The following NPAS2 variants were observed in gnomAD, a reference collection of about 807,000 sequenced individuals.
The protein encoded by NPAS2 is neuronal PAS domain protein 2, also known as neuronal PAS domain-containing protein 2.
Under a neutral mutation model 107.5 loss-of-function variants are expected in NPAS2, and 23 were observed. The ratio of observed to expected loss-of-function variants is 0.21; its 90% confidence interval spans 0.15 to 0.30. The LOEUF (loss-of-function observed/expected upper bound fraction) is 0.30, where lower values mean the gene tolerates loss of function less well. Ranked by LOEUF, NPAS2 falls within the 10% of genes least tolerant of loss-of-function variation. The pLI is 1.00. For synonymous variants in NPAS2, 403 were observed against 417.5 expected, an observed-to-expected ratio of 0.97 and a Z score of 0.42; for missense variants, 756 against 1,043.3, an observed-to-expected ratio of 0.72 and a Z score of 3.79.
chr2:100,839,623 C>G (rs894100598), intron 1 of NPAS2, among the ~76,000 whole-genome samples: 2 of 152,086 alleles, frequency 1.3e-5, no homozygotes, highest in African/African-American at 4.8e-5. Flanking sequence ...GTAGGTTATT[C>G]ATAGTTAAGT....
At chr2:100,912,588 G>A (rs1381231135) in intron 2 of NPAS2, among the ~76,000 whole-genome samples, 1 of 152,200 alleles carries the variant, frequency 6.6e-6, no homozygotes, top group Non-Finnish European at 1.5e-5. Context: ...CTCAAAGATG[G>A]TGGGTAGAAC....
intron 1 of NPAS2, among the ~76,000 whole-genome samples, chr2:100,844,461 A>G (rs1677644088): frequency 6.6e-6 from 1 of 152,198 alleles, no homozygotes; most frequent in Non-Finnish European, 1.5e-5. Flanking sequence ...GTTAGCCTCC[A>G]GTGGTACCGA....
intron 7 of NPAS2, among the ~76,000 whole-genome samples, chr2:100,961,114 G>T (rs770984781): frequency 1.4e-4 from 22 of 152,164 alleles, no homozygotes; most frequent in Non-Finnish European, 2.4e-4. Context: ...GAAGCCAGTT[G>T]TAATTAGATA....
Position 100,995,911 on chromosome 2 carries a change from C to A in NPAS2, c.*329C>A, listed in dbSNP as rs530418542. 4.2e-6 allele frequency: 6 copies of A among 1,429,464 alleles called. No individual in the cohort carries two copies. In the Middle Eastern group the frequency reaches 7.1e-4, roughly 169 times the overall value. The allele number at this position is 1,429,464 out of a possible 1,614,324, so 88.5% of individuals were successfully genotyped here. A position where few individuals can be genotyped will look rare whatever the true frequency, so the allele number is the denominator to read the frequency against. On this transcript the variant is annotated 3_prime_UTR_variant, in exon 21 of 21. Coordinates refer to ENST00000335681, the MANE Select transcript of NPAS2 (RefSeq NM_002518.4). ...CTCGCTGCATCCCCCGAGAGTACACCGGTTGCTCTAGCCACCTGCGGCCCG... is the reference window on the plus strand; with the variant it reads ...CTCGCTGCATCCCCCGAGAGTACACAGGTTGCTCTAGCCACCTGCGGCCCG...
intron 3 of NPAS2, among the ~76,000 whole-genome samples, chr2:100,927,682 G>A (rs946257612): frequency 8.5e-5 from 13 of 152,188 alleles, no homozygotes; most frequent in Non-Finnish European, 1.6e-4. Context: ...TTTCATTAGT[G>A]TATAGTATTC....
chr2:100,853,776 C>T (rs1156923401), intron 1 of NPAS2, among the ~76,000 whole-genome samples: 5 of 152,118 alleles, frequency 3.3e-5, no homozygotes, highest in Admixed American at 1.3e-4. Flanking sequence ...GCCGTTCAGC[C>T]TTCTGGCACA....
At chr2:100,977,414 A>G (rs1001703026) in intron 14 of NPAS2, among the ~76,000 whole-genome samples, 5 of 152,220 alleles carry the variant, frequency 3.3e-5, no homozygotes, top group African/African-American at 1.2e-4. Flanking sequence ...AGTCCAGGAC[A>G]GCAGGCAAGG....
intron 7 of NPAS2, among the ~76,000 whole-genome samples, chr2:100,961,562 G>A (rs72974852): frequency 0.042 from 6,354 of 152,144 alleles, 425 homozygotes; most frequent in African/African-American, 0.14. Flanking sequence ...CCTTTTGGGG[G>A]GTGCATTTTT....
rs181709387 is a variant in NPAS2, at chr2:100,916,971, A to G, written c.33-8175A>G. The stretch of plus-strand genomic sequence containing the variant: ...AAGGATATTAGAAAATATTTTAGCT[A>G]AATAAAAATGAACATACATTTCAAA... On this transcript the variant is annotated intron_variant, in intron 2 of 20. Transcript: ENST00000335681. Among the ~76,000 whole-genome samples the G allele has an allele frequency of 3.9e-5, 6 of 152,338 alleles. No homozygotes were observed. In the East Asian group the frequency reaches 5.8e-4, roughly 15 times the overall value.
In NPAS2 at chr2:100,902,042, T is replaced by A. The variant is rs552764480; in HGVS notation, c.-22-2691T>A. On this transcript the variant is annotated intron_variant, in intron 1 of 20. Coordinates refer to ENST00000335681, the MANE Select transcript of NPAS2 (RefSeq NM_002518.4). ...CCTCTGCTTTCATTTAAGCTCCTTT[T>A]CTGTTTTCTGGCACTCTGTGATCAA... Among the ~76,000 whole-genome samples, 22 of 152,246 alleles carry A rather than the reference T, an allele frequency of 1.4e-4. No homozygotes were observed. The East Asian group carries it at 4.3e-3, about 29-fold the overall frequency.
At chr2:100,877,164 T>C (rs1680022855) in intron 1 of NPAS2, among the ~76,000 whole-genome samples, 1 of 152,162 alleles carries the variant, frequency 6.6e-6, no homozygotes, top group South Asian at 2.1e-4. Context: ...GGAATTGCTG[T>C]ATTTGAAATG....
At chr2:100,935,007 C>A in intron 4 of NPAS2, 1 of 985,398 alleles carries the variant, frequency 1.0e-6, no homozygotes, top group Non-Finnish European at 1.2e-6. Context: ...CCGTCTTCTT[C>A]CCTCTTCTCT....
chr2:100,987,746 G>A (rs1279335013), intron 16 of NPAS2: 3 of 299,196 alleles, frequency 1.0e-5, no homozygotes, highest in Non-Finnish European at 1.9e-5. Flanking sequence ...CTAGGAAGAA[G>A]CTGGTAAGCC....
At chr2:100,981,598 G>A (rs1002569219) in intron 15 of NPAS2, among the ~76,000 whole-genome samples, 4 of 152,160 alleles carry the variant, frequency 2.6e-5, no homozygotes, top group Admixed American at 6.5e-5. Flanking sequence ...TCACACTGGA[G>A]AGGGGGCCCT....
chr2:100,873,299 TATATATATACACAC>T (rs1480163090), intron 1 of NPAS2, among the ~76,000 whole-genome samples: 789 of 44,922 alleles, frequency 0.018, 4 homozygotes, highest in Non-Finnish European at 0.031. Context: ...TATATATATA[TATATATATACACAC>T]ACACACACAC....
chr2:100,940,265 C>A (rs1002651728), intron 5 of NPAS2, among the ~76,000 whole-genome samples: 2 of 152,222 alleles, frequency 1.3e-5, no homozygotes, highest in African/African-American at 2.4e-5. Context: ...CCAGGGGTAG[C>A]TGACTGCAGA....
chr2:100,995,467 A>G lies in NPAS2; in HGVS notation c.2360A>G (p.Gln787Arg), dbSNP rs765822281. 2 of 1,614,030 alleles carry G rather than the reference A, an allele frequency of 1.2e-6. No individual in the cohort carries two copies. Among genetic ancestry groups the G allele is most frequent in the Non-Finnish European group, 1.7e-6 (2 of 1,179,992 alleles). The part of the protein sequence containing the change: ...DSLLLSTYSQ[Q>R]PGTLGYPQPP... Reference sequence around the variant, plus strand: ...CTACTTCTCTCCACCTACTCACAACAGCCAGGGACCCTGGGCTACCCCCAA... The same window carrying G: ...CTACTTCTCTCCACCTACTCACAACGGCCAGGGACCCTGGGCTACCCCCAA... The change falls in exon 21 of 21, where the codon CAG (glutamine) becomes CGG (arginine). Residue 787 changes from glutamine to arginine, a missense_variant. Physicochemically the swap from Gln to Arg is conservative, Grantham distance 43. Coordinates refer to ENST00000335681, the MANE Select transcript of NPAS2 (RefSeq NM_002518.4).
intron 12 of NPAS2, among the ~76,000 whole-genome samples, chr2:100,971,527 G>A (rs533650136): frequency 1.2e-4 from 18 of 152,262 alleles, no homozygotes; most frequent in Middle Eastern, 3.4e-3. Context: ...ACTGCCTCCA[G>A]GACCCAGGCA....
rs1335026471 is a variant in NPAS2, at chr2:100,968,255, A to G, written c.908-26A>G. 1 of 1,610,964 alleles carries G rather than the reference A, an allele frequency of 6.2e-7. No homozygotes were observed. The highest frequency in any genetic ancestry group is 1.1e-5 in the South Asian group (1 of 90,978). ...TCATTTTCATATTAACATTGGTTAT[A>G]TGCGGAATCCATTTTCTACCGACAG... On this transcript the variant is annotated intron_variant, in intron 10 of 20. Coordinates refer to ENST00000335681, the MANE Select transcript of NPAS2 (RefSeq NM_002518.4). This position sits in a 1 kb window ranked among gnomAD's most constrained non-coding sequence, Gnocchi z 5.3.
Sources: gnomAD v4.1 joint callset for allele counts (sites outside exome capture counted in the v4.1 genomes callset) on GRCh38, gnomAD v4.1.1 for gene constraint, Gnocchi (gnomAD v3.1) non-coding constraint, MANE v1.5 for transcripts, NCBI Gene and HGNC (gene_info 2026-07-23, HGNC 2026-07-21) for gene names.